The following AP2A2 variants were observed in gnomAD, a reference collection of about 807,000 sequenced individuals.
The protein encoded by AP2A2 is adaptor related protein complex 2 subunit alpha 2.
In AP2A2, 32 loss-of-function variants were observed where a neutral mutation model predicts 104.2. The ratio of observed to expected loss-of-function variants is 0.31; its 90% CI spans 0.23 to 0.41. The LOEUF is 0.41. AP2A2 is among the 10% of genes least tolerant of loss of function. The pLI, the probability that AP2A2 is intolerant of heterozygous loss-of-function variation, is 1.00. For missense variants in AP2A2, 912 were observed against 1,261.0 expected (o/e 0.72, Z 4.19); for synonymous variants, 539 against 533.3 (o/e 1.01, Z -0.15).
chr11:994,787 C>T (rs1238477241), intron 14 of AP2A2, among the ~76,000 whole-genome samples: 20 of 144,710 alleles, frequency 1.4e-4, no homozygotes, highest in African/African-American at 5.2e-4. Flanking sequence ...GCTGCACACC[C>T]TGCTGGCCTG....
chr11:949,648 G>A (rs1001172526), intron 1 of AP2A2, among the ~76,000 whole-genome samples: 21 of 151,792 alleles, frequency 1.4e-4, no homozygotes, highest in African/African-American at 4.1e-4. Flanking sequence ...GGTGGCATGT[G>A]CCTATAGTCC....
chr11:1,000,699 T>A, intron 15 of AP2A2, 101 bp downstream of exon 15: 3 of 1,294,548 alleles, frequency 2.3e-6, no homozygotes, highest in Non-Finnish European at 3.1e-6. Context: ...GCAGCGGAGT[T>A]TACCTCCCAG....
intron 1 of AP2A2, among the ~76,000 whole-genome samples, chr11:934,606 G>A (rs1274125351): frequency 6.6e-6 from 1 of 152,178 alleles, no homozygotes; most frequent in African/African-American, 2.4e-5. Context: ...GGTTTGCTTA[G>A]AAGTGTAGAG....
rs548282048 is a variant in AP2A2, at chr11:1,008,468, T to C, written c.2420+333T>C. On this transcript the variant is annotated intron_variant, in intron 18 of 21. Transcript: ENST00000448903. ...GCCCGGCTTGGTACCAGACGACAGC[T>C]GTGGGGTGCAGGCAGCTGGTTTCCT... 2.5e-4 allele frequency: 67 copies of C among 269,528 alleles called. No individual in the cohort carries two copies. In the East Asian group the frequency reaches 2.6e-3, roughly 10 times the overall value. 16.7% of individuals were successfully genotyped at this position (269,528 alleles called of 1,614,324 possible).
chr11:1,010,954 A>G lies in AP2A2; in HGVS notation c.*329A>G. 1 of 727,976 alleles carries G rather than the reference A, an allele frequency of 1.4e-6. No homozygotes were observed. The highest frequency in any genetic ancestry group is 2.5e-6 in the Non-Finnish European group (1 of 396,090). The allele number at this position is 727,976 out of a possible 1,614,324, so 45.1% of individuals were successfully genotyped here. ...TGAACGTGGCGTTTGTGGGAGTGTCACTGAGATGGCCCGTGCTGCCGCCCA... is the reference window on the plus strand; with the variant it reads ...TGAACGTGGCGTTTGTGGGAGTGTCGCTGAGATGGCCCGTGCTGCCGCCCA... On this transcript the variant is annotated 3_prime_UTR_variant, in exon 22 of 22. Transcript: ENST00000448903.
chr11:958,366 CG>C (rs1854307242), intron 1 of AP2A2, among the ~76,000 whole-genome samples: 1 of 152,120 alleles, frequency 6.6e-6, no homozygotes, highest in Non-Finnish European at 1.5e-5. Flanking sequence ...TCATGGCAGC[CG>C]GAGCAGACTA....
At chr11:926,551 C>T (rs1447496771) in intron 1 of AP2A2, among the ~76,000 whole-genome samples, 1 of 152,166 alleles carries the variant, frequency 6.6e-6, no homozygotes, top group Non-Finnish European at 1.5e-5. Context: ...CTTGGTCTTT[C>T]TAGTACTGGA....
intron 1 of AP2A2, chr11:940,814 C>T (rs1201360182): frequency 1.1e-5 from 5 of 456,148 alleles, no homozygotes; most frequent in African/African-American, 2.0e-5. Flanking sequence ...CAGGGGCCTT[C>T]GCTGCAGGGT....
At chr11:946,583 C>G (rs1280396759) in intron 1 of AP2A2, 1 of 152,022 alleles carries the variant, frequency 6.6e-6, no homozygotes, top group Non-Finnish European at 1.5e-5. Flanking sequence ...CCAGTCTGGC[C>G]AACATGGTGA....
chr11:997,088 C>T (rs370435380), intron 14 of AP2A2, among the ~76,000 whole-genome samples: 1 of 152,128 alleles, frequency 6.6e-6, no homozygotes, highest in Non-Finnish European at 1.5e-5. Flanking sequence ...CTGTATGGGC[C>T]GTGAAGGGGC....
chr11:989,341 A>G (rs1855569980), intron 10 of AP2A2, among the ~76,000 whole-genome samples: 1 of 152,010 alleles, frequency 6.6e-6, no homozygotes, highest in South Asian at 2.1e-4. Flanking sequence ...CTCAAAAAAA[A>G]AAAAACTAAA....
At chr11:983,614 A>C (rs1048466887) in intron 6 of AP2A2, among the ~76,000 whole-genome samples, 1 of 151,034 alleles carries the variant, frequency 6.6e-6, no homozygotes, top group Admixed American at 6.6e-5. Flanking sequence ...CGATCTCCTG[A>C]CCTTGTGATC....
In AP2A2 at chr11:986,768, C is replaced by T. The variant is rs751290624; in HGVS notation, c.963-17C>T. 31 of 1,610,186 alleles carry T rather than the reference C, an allele frequency of 1.9e-5. No individual in the cohort carries two copies. Among genetic ancestry groups the T allele is most frequent in the Admixed American group, 1.7e-5 (1 of 59,874 alleles). On this transcript the variant is annotated splice_polypyrimidine_tract_variant and intron_variant, in intron 8 of 21. Transcript: ENST00000448903. ...CTTGCTGAGGAAACCCCACCCACTT[C>T]CCCTCCCTCCACACAGTGAGCCGAA... is the stretch of plus-strand genomic sequence containing the variant.
intron 18 of AP2A2, 86 bp downstream of exon 18, chr11:1,008,221 C>G (rs1427943823): frequency 8.8e-6 from 13 of 1,471,776 alleles, no homozygotes; most frequent in Non-Finnish European, 1.1e-5. Flanking sequence ...CCTCCGTGTC[C>G]TTCCTGAGGG....
rs764637759 is a variant in AP2A2 at position 992,637 on chromosome 11, C to T, written c.1404C>T (p.Val468=). Reference sequence around the variant, plus strand: ...TGTGGTACCGAGTCATTCAGATCGTCATCAACCGGGACGACGTGCAGGGCT... The same window carrying T: ...TGTGGTACCGAGTCATTCAGATCGTTATCAACCGGGACGACGTGCAGGGCT... ...EEVWYRVIQI[V]INRDDVQGYA... The change falls in exon 11 of 22, where the codon GTC becomes GTT. Residue 468 remains valine (V), a synonymous_variant. Transcript: ENST00000448903. The surrounding 1 kb of genome is among the most constrained non-coding windows in gnomAD (Gnocchi z 6.4). The T allele has an allele frequency of 6.8e-6, 11 of 1,613,984 alleles. No individual in the cohort carries two copies. In the South Asian group the frequency reaches 7.7e-5, roughly 11 times the overall value.
At chr11:1,010,399 T>G (rs929835243) in intron 21 of AP2A2, 149 bp from the exon 22 acceptor site, 1 of 629,290 alleles carries the variant, frequency 1.6e-6, no homozygotes, top group Admixed American at 2.7e-5. Flanking sequence ...GCTGACAGTG[T>G]GTGTGGTGCT....
intron 2 of AP2A2, among the ~76,000 whole-genome samples, chr11:962,340 T>C (rs1854469578): frequency 6.6e-6 from 1 of 152,258 alleles, no homozygotes; most frequent in South Asian, 2.1e-4. Flanking sequence ...GCCTTCAGAA[T>C]GGTGAAGATG....
chr11:990,599 T>C (rs1201906120), intron 10 of AP2A2, among the ~76,000 whole-genome samples: 1 of 152,108 alleles, frequency 6.6e-6, no homozygotes, highest in African/African-American at 2.4e-5. Flanking sequence ...CTGTGAGGAG[T>C]AAGACAGGTG....
At chr11:934,487 A>G (rs918180668) in intron 1 of AP2A2, among the ~76,000 whole-genome samples, 3 of 152,076 alleles carry the variant, frequency 2.0e-5, no homozygotes, top group Non-Finnish European at 4.4e-5. Context: ...TTTGCCTGAA[A>G]TTCAGACTCC....
Sources: allele counts gnomAD v4.1 joint callset (sites outside exome capture counted in the v4.1 genomes callset), GRCh38; gene constraint gnomAD v4.1.1; non-coding constraint Gnocchi (gnomAD v3.1); transcripts MANE v1.5; gene names NCBI Gene and HGNC (gene_info 2026-07-23, HGNC 2026-07-21).